Variants in RIMS2 observed in about 807,000 individuals in gnomAD.
RIMS2 encodes the protein regulating synaptic membrane exocytosis protein 2.
Under a neutral mutation model 174.4 loss-of-function variants are expected in RIMS2, and 59 were observed. That is an observed-to-expected ratio of 0.34 (90% CI 0.27 to 0.42). The LOEUF (loss-of-function observed/expected upper bound fraction) is 0.42, where lower values mean the gene tolerates loss of function less well. Ranked by LOEUF, RIMS2 falls within the 10% of genes least tolerant of loss-of-function variation. RIMS2 has a pLI of 1.00. For synonymous variants in RIMS2, 606 were observed against 572.5 expected (o/e 1.06, Z -0.84); for missense variants, 1,620 against 1,666.3 (o/e 0.97, Z 0.48).
intron 1 of RIMS2, among the ~76,000 whole-genome samples, chr8:103,512,852 A>G (rs1276837393): frequency 2.0e-5 from 3 of 152,148 alleles, no homozygotes; most frequent in Middle Eastern, 3.2e-3. Context: ...CAAATTGATG[A>G]TGCTTTTTAC....
intron 3 of RIMS2, among the ~76,000 whole-genome samples, chr8:103,879,235 ATGAT>A: frequency 6.6e-6 from 1 of 151,548 alleles, no homozygotes; most frequent in Non-Finnish European, 1.5e-5. Context: ...TAGAAACAAG[ATGAT>A]TGATAGAGAA....
intron 2 of RIMS2, among the ~76,000 whole-genome samples, chr8:103,720,619 C>A (rs1032551657): frequency 1.3e-5 from 2 of 152,096 alleles, no homozygotes; most frequent in African/African-American, 4.8e-5. Context: ...GTATTGTAAA[C>A]CTGACGAAGA....
intron 3 of RIMS2, chr8:103,880,644 C>A: frequency 1.9e-6 from 1 of 522,890 alleles, no homozygotes; most frequent in South Asian, 3.2e-5. Flanking sequence ...GTATTTTTGT[C>A]AACATGATGC....
intron 1 of RIMS2, among the ~76,000 whole-genome samples, chr8:103,554,788 T>C (rs2131731414): frequency 6.6e-6 from 1 of 152,256 alleles, no homozygotes; most frequent in Non-Finnish European, 1.5e-5. Flanking sequence ...TCAGTCCAGA[T>C]ATCTATCAAC....
intron 1 of RIMS2, among the ~76,000 whole-genome samples, chr8:103,695,918 G>A (rs1041930697): frequency 1.3e-5 from 2 of 152,110 alleles, no homozygotes; most frequent in Non-Finnish European, 2.9e-5. Context: ...TATGAAGGCA[G>A]ACTAGGGGCA....
At chr8:103,527,879 G>A (rs1327513117) in intron 1 of RIMS2, among the ~76,000 whole-genome samples, 1 of 152,186 alleles carries the variant, frequency 6.6e-6, no homozygotes, top group Non-Finnish European at 1.5e-5. Context: ...ATAGCAGCAT[G>A]ATTTATAATC....
intron 19 of RIMS2, among the ~76,000 whole-genome samples, chr8:104,225,168 T>G (rs977410839): frequency 5.3e-5 from 8 of 152,362 alleles, no homozygotes; most frequent in Non-Finnish European, 1.2e-4. Context: ...TGTATTCTTT[T>G]AGGCCCACAA....
intron 1 of RIMS2, among the ~76,000 whole-genome samples, chr8:103,615,197 A>T (rs760558566): frequency 1.3e-5 from 2 of 152,176 alleles, no homozygotes; most frequent in Non-Finnish European, 2.9e-5. Context: ...GTCAGACCAT[A>T]GCGCAATAAA....
At chr8:104,071,139 A>G (rs1191116463) in intron 19 of RIMS2, among the ~76,000 whole-genome samples, 1 of 152,228 alleles carries the variant, frequency 6.6e-6, no homozygotes, top group African/African-American at 2.4e-5. Context: ...TGGATGGACC[A>G]AAGGAATACT....
chr8:103,538,492 C>T (rs1174855908), intron 1 of RIMS2, among the ~76,000 whole-genome samples: 1 of 141,052 alleles, frequency 7.1e-6, no homozygotes, highest in Admixed American at 7.1e-5. Flanking sequence ...CTCCACTCTT[C>T]CCCCCCAAGT....
chr8:103,963,630 T>G (rs1214742873), intron 15 of RIMS2, among the ~76,000 whole-genome samples: 4 of 152,162 alleles, frequency 2.6e-5, no homozygotes, highest in African/African-American at 9.7e-5. Flanking sequence ...AACACATTCA[T>G]AGCCTCTCCC....
At chr8:103,723,480 GAGT>G (rs1259252157) in intron 2 of RIMS2, among the ~76,000 whole-genome samples, 1 of 152,220 alleles carries the variant, frequency 6.6e-6, no homozygotes, top group African/African-American at 2.4e-5. Context: ...GTCAGTGGAT[GAGT>G]AGGCCTGACT....
At chr8:103,671,312 T>C (rs2096741795) in intron 1 of RIMS2, among the ~76,000 whole-genome samples, 1 of 152,154 alleles carries the variant, frequency 6.6e-6, no homozygotes, top group Non-Finnish European at 1.5e-5. Context: ...ATCACATTGG[T>C]AATTTGACTT....
In RIMS2 at chr8:103,812,331, G is replaced by GTTTTTTTTTTTTTTTTTTTTTTT. The variant is rs71575985; in HGVS notation, c.698+45795_698+45817dup. Among the ~76,000 whole-genome samples the GTTTTTTTTTTTTTTTTTTTTTTT allele has an allele frequency of 1.8e-4, 20 of 111,636 alleles. 1 individual carries two copies. Among genetic ancestry groups the GTTTTTTTTTTTTTTTTTTTTTTT allele is most frequent in the East Asian group, 8.5e-4 (2 of 2,340 alleles). The allele number at this position is 111,636 out of a possible 152,430, so 73.2% of individuals were successfully genotyped here. A position where few individuals can be genotyped will look rare whatever the true frequency, so the allele number is the denominator to read the frequency against. ...GGTCAAATTATTACCTTATTACCTT[G>GTTTTTTTTTTTTTTTTTTTTTTT]TTTTTTTTTTTTTTTTTTTTTTTGT... On this transcript the variant is annotated intron_variant, in intron 3 of 23. Coordinates refer to ENST00000504942, the Ensembl canonical transcript of RIMS2.
At chr8:103,593,908 C>T (rs117231835) in intron 1 of RIMS2, among the ~76,000 whole-genome samples, 8,137 of 151,098 alleles carry the variant, frequency 0.054, 311 homozygotes, top group Non-Finnish European at 0.078. Flanking sequence ...TTGAGATCCT[C>T]AATAATTTTT....
At chr8:103,775,290 A>T (rs1479029137) in intron 3 of RIMS2, among the ~76,000 whole-genome samples, 4 of 152,148 alleles carry the variant, frequency 2.6e-5, no homozygotes, top group Non-Finnish European at 5.9e-5. Context: ...AGATAAAATG[A>T]TGTAAAGGGA....
chr8:103,554,019 C>G (rs1331308029), intron 1 of RIMS2, among the ~76,000 whole-genome samples: 1 of 152,054 alleles, frequency 6.6e-6, no homozygotes, highest in Admixed American at 6.6e-5. Flanking sequence ...GAAGCTGGAC[C>G]CCTTCCTTAT....
At chr8:103,995,894 G>A (rs1000092333) in intron 17 of RIMS2, among the ~76,000 whole-genome samples, 1 of 151,780 alleles carries the variant, frequency 6.6e-6, no homozygotes, top group Non-Finnish European at 1.5e-5. Flanking sequence ...GAGTTATTTA[G>A]GCATCAGAAT....
chr8:103,795,238 G>A (rs962874259), intron 3 of RIMS2, among the ~76,000 whole-genome samples: 3 of 152,156 alleles, frequency 2.0e-5, no homozygotes, highest in Non-Finnish European at 2.9e-5. Context: ...TATACACCTT[G>A]TAATACTATG....
Sources: gnomAD v4.1 joint callset for allele counts (sites outside exome capture counted in the v4.1 genomes callset) on GRCh38, gnomAD v4.1.1 for gene constraint, MANE v1.5 for transcripts, NCBI Gene and HGNC (gene_info 2026-07-23, HGNC 2026-07-21) for gene names.